Variants in EXTL3 observed in about 807,000 individuals in gnomAD.
The protein encoded by EXTL3 is exostosin like glycosyltransferase 3, also known as exostosin-like 3.
A neutral mutation model predicts 69.3 loss-of-function variants in EXTL3; 27 were observed. The observed-to-expected ratio is 0.39, with a 90% CI of 0.29 to 0.54. EXTL3 has a LOEUF of 0.54. EXTL3 is among the 20% of genes least tolerant of loss of function. The probability of loss-of-function intolerance (pLI) is 0.69; values close to 1 mark genes in which losing one functional copy is unlikely to be tolerated. For missense variants in EXTL3, 1,003 were observed against 1,231.8 expected, an observed-to-expected ratio of 0.81 and a Z score of 2.78; for synonymous variants, 511 against 499.4, an observed-to-expected ratio of 1.02 and a Z score of -0.31.
chr8:28,621,334 G>A (rs1341307833), upstream of EXTL3, among the ~76,000 whole-genome samples: 2 of 152,190 alleles, frequency 1.3e-5, no homozygotes, highest in African/African-American at 4.8e-5. Flanking sequence ...AATGCCACGT[G>A]TACATGAAGC....
intron 1 of EXTL3, among the ~76,000 whole-genome samples, chr8:28,636,331 C>A (rs79321011): frequency 3.1e-3 from 356 of 115,638 alleles, no homozygotes; most frequent in Admixed American, 3.6e-3. Context: ...GACTCCATCT[C>A]AAAAAAAAAA....
At chr8:28,655,693 T>G (rs1186963179) in intron 1 of EXTL3, among the ~76,000 whole-genome samples, 2 of 151,996 alleles carry the variant, frequency 1.3e-5, no homozygotes, top group Non-Finnish European at 2.9e-5. Context: ...AAGGTTTTGC[T>G]ATGTTTCCTA....
At chr8:28,672,274 C>T (rs909624320) in intron 1 of EXTL3, among the ~76,000 whole-genome samples, 10 of 151,636 alleles carry the variant, frequency 6.6e-5, no homozygotes, top group Admixed American at 1.3e-4. Context: ...AAAAATTAGC[C>T]GGGCATGGTG....
chr8:28,643,714 G>A (rs1442921230), intron 1 of EXTL3, among the ~76,000 whole-genome samples: 4 of 151,784 alleles, frequency 2.6e-5, no homozygotes, highest in African/African-American at 9.7e-5. Flanking sequence ...CACCGCGCCT[G>A]GCCTCTCCTG....
At chr8:28,722,067 G>T (rs749999699) in intron 3 of EXTL3, among the ~76,000 whole-genome samples, 10 of 152,300 alleles carry the variant, frequency 6.6e-5, no homozygotes, top group Non-Finnish European at 7.4e-5. Flanking sequence ...TTTAGAAGGG[G>T]TGACATTTGA....
intron 5 of EXTL3, 46 bp from the exon 6 acceptor site, chr8:28,743,040 C>T (rs1270042957): frequency 3.1e-6 from 5 of 1,612,842 alleles, no homozygotes; most frequent in African/African-American, 1.3e-5. Context: ...AGCCAACAAC[C>T]TGTGTCTTGT....
Position 28,734,725 on chromosome 8 carries a change from A to C in EXTL3, c.2277-2794A>C, listed in dbSNP as rs188593914. 1.4e-4 allele frequency among the ~76,000 whole-genome samples: 21 copies of C among 151,776 alleles called. No homozygotes were observed. The East Asian group carries it at 3.7e-3, about 27-fold the overall frequency. ...CAAAACAAAACAAAACAAAACAAAA[A>C]AAACACTGGAGTAGATTTCTTTGGC... On this transcript the variant is annotated intron_variant, in intron 4 of 6. Coordinates refer to ENST00000220562, the MANE Select transcript of EXTL3 (RefSeq NM_001440.4).
chr8:28,635,898 T>G (rs1402948570), intron 1 of EXTL3, among the ~76,000 whole-genome samples: 5 of 152,194 alleles, frequency 3.3e-5, no homozygotes, highest in African/African-American at 1.2e-4. Context: ...TCTTTTCTTT[T>G]TTAATAGAGA....
rs567929424 is a variant in EXTL3 at position 28,729,595 on chromosome 8, CAAAAAAAAAAA to C, written c.2149-1610_2149-1600del. Among the ~76,000 whole-genome samples, 112 of 33,238 alleles carry C rather than the reference CAAAAAAAAAAA, an allele frequency of 3.4e-3. 3 individuals carry two copies. Among genetic ancestry groups the C allele is most frequent in the South Asian group, 5.7e-3 (3 of 528 alleles). 21.8% of individuals were successfully genotyped at this position (33,238 alleles called of 152,430 possible). A position where few individuals can be genotyped will look rare whatever the true frequency, so the allele number is the denominator to read the frequency against. ...TGGGTGACAGAGTGAGACTCCATCT[CAAAAAAAAAAA>C]AAAAAAAAAAAAAAAAAGCATTTTC... On this transcript the variant is annotated intron_variant, in intron 3 of 6. Transcript: ENST00000220562.
At chr8:28,646,534 G>A (rs1262884290) in intron 1 of EXTL3, among the ~76,000 whole-genome samples, 2 of 152,200 alleles carry the variant, frequency 1.3e-5, no homozygotes, top group Non-Finnish European at 2.9e-5. Context: ...TGTATTAAAA[G>A]TCTCTGGGGA....
At chr8:28,670,262 T>C (rs1807265616) in intron 1 of EXTL3, among the ~76,000 whole-genome samples, 1 of 147,638 alleles carries the variant, frequency 6.8e-6, no homozygotes, top group African/African-American at 2.5e-5. Context: ...TTGCTAGGAA[T>C]AGTGCTAATT....
intron 4 of EXTL3, among the ~76,000 whole-genome samples, chr8:28,735,091 G>A (rs1208926453): frequency 6.9e-6 from 1 of 144,616 alleles, no homozygotes; most frequent in African/African-American, 2.7e-5. Flanking sequence ...GGTAAACCGA[G>A]GTGTATTTTT....
chr8:28,715,314 A>G (rs899389138), intron 2 of EXTL3, among the ~76,000 whole-genome samples: 10 of 152,220 alleles, frequency 6.6e-5, no homozygotes, highest in Admixed American at 1.3e-4. Context: ...TTACAGGGCT[A>G]TAATGCCGCT....
intron 1 of EXTL3, among the ~76,000 whole-genome samples, chr8:28,708,944 A>G (rs575318329): frequency 6.6e-6 from 1 of 152,332 alleles, no homozygotes; most frequent in South Asian, 2.1e-4. Flanking sequence ...TTTTAGAGGA[A>G]TATTATGTGT....
intron 1 of EXTL3, among the ~76,000 whole-genome samples, chr8:28,705,724 G>A (rs1291317934): frequency 6.6e-6 from 1 of 152,206 alleles, no homozygotes; most frequent in African/African-American, 2.4e-5. Flanking sequence ...CGTTAGATTA[G>A]TTTATATTCT....
chr8:28,725,376 C>T (rs1419536249), intron 3 of EXTL3, among the ~76,000 whole-genome samples: 2 of 152,098 alleles, frequency 1.3e-5, no homozygotes, highest in Non-Finnish European at 2.9e-5. Flanking sequence ...GTGGGCATTG[C>T]TCCTGGCTTG....
At chr8:28,748,936 C>G (rs2130803223) in intron 6 of EXTL3, among the ~76,000 whole-genome samples, 1 of 151,988 alleles carries the variant, frequency 6.6e-6, no homozygotes, top group Admixed American at 6.6e-5. Context: ...TGGGGAGTCC[C>G]CAGGGAAAAA....
rs376512871 is a variant in EXTL3, at chr8:28,717,091, C to T, written c.1032C>T (p.Thr344=). 2 of 1,614,234 alleles carry T rather than the reference C, an allele frequency of 1.2e-6. No individual in the cohort carries two copies. Among genetic ancestry groups the T allele is most frequent in the South Asian group, 1.1e-5 (1 of 91,086 alleles). The change falls in exon 3 of 7, where the codon ACC becomes ACT. Residue 344 remains threonine, a synonymous_variant. Coordinates refer to ENST00000220562, the MANE Select transcript of EXTL3 (RefSeq NM_001440.4). This position sits in a 1 kb window ranked among gnomAD's most constrained non-coding sequence, Gnocchi z 8.3. ...QVPVKRKYLF[T]FQGEKIESLR... ...CGGTGAAGCGGAAATATCTCTTCAC[C>T]TTCCAGGGCGAGAAGATTGAGTCTC...
At chr8:28,622,977 CG>C (rs1385325163) in intron 1 of EXTL3, among the ~76,000 whole-genome samples, 1 of 151,956 alleles carries the variant, frequency 6.6e-6, no homozygotes. Context: ...CTGGCCCCGT[CG>C]TCCTGCCCGC....
Sources: gnomAD v4.1 joint callset for allele counts (sites outside exome capture counted in the v4.1 genomes callset) on GRCh38, gnomAD v4.1.1 for gene constraint, Gnocchi (gnomAD v3.1) non-coding constraint, MANE v1.5 for transcripts, NCBI Gene and HGNC (gene_info 2026-07-23, HGNC 2026-07-21) for gene names.